ANK3: variants seen among roughly 807,000 people sequenced by gnomAD.
ANK3 encodes ankyrin-3.
A neutral mutation model predicts 370.9 loss-of-function variants in ANK3; 57 were observed. The ratio of observed to expected loss-of-function variants is 0.15; its 90% CI spans 0.12 to 0.19. The LOEUF (loss-of-function observed/expected upper bound fraction) is 0.19, where lower values mean the gene tolerates loss of function less well. Among genes scored for constraint, ANK3 ranks in the 10% least tolerant of loss-of-function variants. The probability of loss-of-function intolerance (pLI) is 1.00; values close to 1 mark genes in which losing one functional copy is unlikely to be tolerated. For synonymous variants in ANK3, 1,929 were observed against 1,946.3 expected (o/e 0.99, Z 0.23); for missense variants, 4,439 against 5,302.1 (o/e 0.84, Z 5.06).
At chr10:60,441,395 A>G (rs2064296317) in intron 2 of ANK3, among the ~76,000 whole-genome samples, 1 of 152,188 alleles carries the variant, frequency 6.6e-6, no homozygotes, top group Admixed American at 6.5e-5. Flanking sequence ...AGAATGAACT[A>G]ATATATAATA....
intron 1 of ANK3, among the ~76,000 whole-genome samples, chr10:60,725,867 A>T (rs1335748918): frequency 6.6e-6 from 1 of 152,184 alleles, no homozygotes; most frequent in African/African-American, 2.4e-5. Context: ...TCCGAAACAT[A>T]GGGAAACTGA....
intron 1 of ANK3, among the ~76,000 whole-genome samples, chr10:60,659,804 G>C (rs1039687617): frequency 5.9e-5 from 9 of 152,188 alleles, no homozygotes; most frequent in Non-Finnish European, 1.2e-4. Flanking sequence ...GGCAAATTAA[G>C]ATCTAGAAAG....
At chr10:60,671,780 A>T (rs2079066897) in intron 1 of ANK3, among the ~76,000 whole-genome samples, 1 of 152,238 alleles carries the variant, frequency 6.6e-6, no homozygotes, top group Non-Finnish European at 1.5e-5. Context: ...TGTTGTGAGG[A>T]TGCTCAAGCA....
chr10:60,547,645 G>C (rs1483442552), intron 2 of ANK3, among the ~76,000 whole-genome samples: 1 of 150,652 alleles, frequency 6.6e-6, no homozygotes, highest in African/African-American at 2.4e-5. Flanking sequence ...AGGGTGGGGA[G>C]GGTGGTGGTG....
intron 23 of ANK3, among the ~76,000 whole-genome samples, chr10:60,162,651 C>G (rs1456984480): frequency 6.6e-6 from 1 of 152,080 alleles, no homozygotes; most frequent in Admixed American, 6.6e-5. Context: ...TATACTTAGC[C>G]TCTTATTTTT....
chr10:60,210,349 TG>T (rs2096833849), intron 9 of ANK3, among the ~76,000 whole-genome samples: 1 of 152,116 alleles, frequency 6.6e-6, no homozygotes, highest in Admixed American at 6.5e-5. Context: ...AGAAAACGCC[TG>T]TCTATGAGGA....
chr10:60,150,662 G>A (rs533512080), intron 23 of ANK3, among the ~76,000 whole-genome samples: 44 of 152,222 alleles, frequency 2.9e-4, no homozygotes, highest in African/African-American at 9.6e-4. Context: ...CCACACAACA[G>A]CTAGTTGGTT....
chr10:60,457,556 C>G (rs779199080), intron 2 of ANK3, among the ~76,000 whole-genome samples: 3 of 151,786 alleles, frequency 2.0e-5, no homozygotes, highest in Non-Finnish European at 4.4e-5. Flanking sequence ...GTTAATGGAA[C>G]CAAAAAAGGG....
chr10:60,209,656 G>A (rs150479508), intron 9 of ANK3, among the ~76,000 whole-genome samples: 277 of 152,264 alleles, frequency 1.8e-3, no homozygotes, highest in Middle Eastern at 0.01. Flanking sequence ...TAAGGTGCAG[G>A]AAAAGGTAGG....
rs1328439754 is a variant in ANK3, at chr10:60,029,665, T to C, written c.*181A>G. On this transcript the variant is annotated 3_prime_UTR_variant, in exon 44 of 44. Transcript: ENST00000280772. ...GCTCTGTAAATTGGCTCATGCTAAA[T>C]TAAAATGTGGGTGGTTTTCTTTTCT... 1 of 152,428 alleles carries C rather than the reference T, an allele frequency of 6.6e-6. No individual in the cohort carries two copies. 9.4% of individuals were successfully genotyped at this position (152,428 alleles called of 1,614,324 possible).
intron 8 of ANK3, among the ~76,000 whole-genome samples, chr10:60,215,145 C>T (rs1049729134): frequency 6.6e-6 from 1 of 152,120 alleles, no homozygotes; most frequent in African/African-American, 2.4e-5. Flanking sequence ...TGCTTCTTGG[C>T]CGCATAAATG....
At chr10:60,204,799 T>G (rs1231717607) in intron 11 of ANK3, among the ~76,000 whole-genome samples, 4 of 151,942 alleles carry the variant, frequency 2.6e-5, no homozygotes, top group Non-Finnish European at 5.9e-5. Flanking sequence ...GATAAGGGCT[T>G]TGATGGAAAT....
intron 18 of ANK3, among the ~76,000 whole-genome samples, chr10:60,178,544 C>T (rs1003702538): frequency 6.6e-6 from 1 of 152,052 alleles, no homozygotes; most frequent in Non-Finnish European, 1.5e-5. Flanking sequence ...ATGATGATGA[C>T]TTTGTTATTA....
At position 60,074,814 on chromosome 10, in the gene ANK3, C is replaced by A; in HGVS notation, c.6067G>T (p.Ala2023Ser). Reference sequence around the variant, plus strand: ...GTCAAGTTATAATCCTTTTCGGAGGCGGCTTTTGCTTTTACTTGCACTCTC... The same window carrying A: ...GTCAAGTTATAATCCTTTTCGGAGGAGGCTTTTGCTTTTACTTGCACTCTC... ...PERVQVKAKAASEKDYNLTKV... is the reference protein window; with the variant it reads ...PERVQVKAKASSEKDYNLTKV... Residue 2023 changes from alanine to serine, a missense_variant, in exon 37 of 44, where the codon GCC (alanine) becomes TCC (serine). Ala to Ser is a moderately conservative substitution (Grantham distance 99). This residue lies in a region of ANK3 where 679 missense variants were observed against 791.0 expected (regional missense o/e 0.86). Coordinates refer to ENST00000280772, the MANE Select transcript of ANK3 (RefSeq NM_020987.5). 6.2e-7 allele frequency: 1 copy of A among 1,613,848 alleles called. No homozygotes were observed. Among genetic ancestry groups the A allele is most frequent in the Non-Finnish European group, 8.5e-7 (1 of 1,179,960 alleles).
In ANK3 at chr10:60,648,299, T is replaced by C. The variant is rs1458305894; in HGVS notation, c.58-33075A>G. Among the ~76,000 whole-genome samples the C allele has an allele frequency of 2.8e-5, 4 of 144,762 alleles. No individual in the cohort carries two copies. The Admixed American group carries it at 2.8e-4, about 10-fold the overall frequency. The allele number at this position is 144,762 out of a possible 152,430, so 95.0% of individuals were successfully genotyped here. A position where few individuals can be genotyped will look rare whatever the true frequency, so the allele number is the denominator to read the frequency against. On this transcript the variant is annotated intron_variant, in intron 1 of 43. Coordinates refer to the ANK3 transcript ENST00000373827. ...TCCCGAGTAGCTGGGATTACAGGCA[T>C]GAGCCACCATGCCCGGCTAATTTTT...
intron 1 of ANK3, among the ~76,000 whole-genome samples, chr10:60,656,133 G>T (rs1287442218): frequency 1.3e-5 from 2 of 152,086 alleles, no homozygotes; most frequent in Non-Finnish European, 2.9e-5. Context: ...AACCATCTTG[G>T]CCAGGGGTTT....
chr10:60,130,559 C>T (rs995466263), intron 25 of ANK3, among the ~76,000 whole-genome samples: 1 of 152,086 alleles, frequency 6.6e-6, no homozygotes, highest in Non-Finnish European at 1.5e-5. Context: ...TTCACGCTTT[C>T]CAACAAAATT....
At chr10:60,721,616 T>C (rs779892277) in intron 1 of ANK3, among the ~76,000 whole-genome samples, 8 of 152,184 alleles carry the variant, frequency 5.3e-5, no homozygotes, top group Non-Finnish European at 8.8e-5. Flanking sequence ...AGTATTAAAA[T>C]GATTTGTACT....
chr10:60,450,827 G>A (rs2064581337), intron 2 of ANK3, among the ~76,000 whole-genome samples: 2 of 152,172 alleles, frequency 1.3e-5, no homozygotes, highest in Non-Finnish European at 2.9e-5. Flanking sequence ...AACACTTAAC[G>A]TGAATTTTCT....
Sources: gnomAD v4.1 joint callset for allele counts (sites outside exome capture counted in the v4.1 genomes callset) on GRCh38, gnomAD v4.1.1 for gene constraint, gnomAD v4.1.1 regional missense constraint, MANE v1.5 for transcripts, NCBI Gene and HGNC (gene_info 2026-07-23, HGNC 2026-07-21) for gene names.